TP63: variants seen among roughly 807,000 people sequenced by gnomAD.
The protein encoded by TP63 is tumor protein p63.
TP63 carries 17 observed loss-of-function variants against 82.8 expected under a neutral mutation model. The observed-to-expected ratio is 0.21, with a 90% CI of 0.14 to 0.31. The LOEUF is 0.31. Ranked by LOEUF, TP63 falls within the 10% of genes least tolerant of loss-of-function variation. The pLI, the probability that TP63 is intolerant of heterozygous loss-of-function variation, is 1.00. For synonymous variants in TP63, 330 were observed against 321.7 expected (o/e 1.03, Z -0.28); for missense variants, 648 against 895.3 (o/e 0.72, Z 3.52).
intron 3 of TP63, among the ~76,000 whole-genome samples, chr3:189,745,722 A>AC (rs893748398): frequency 1.3e-5 from 2 of 150,116 alleles, no homozygotes; most frequent in African/African-American, 4.9e-5. Flanking sequence ...AAAAAAAAAA[A>AC]AAAAAAAAAG....
intron 12 of TP63, among the ~76,000 whole-genome samples, chr3:189,890,164 AT>A (rs1467527302): frequency 1.3e-5 from 2 of 152,118 alleles, no homozygotes; most frequent in Non-Finnish European, 2.9e-5. Context: ...TACTGGAACG[AT>A]TTGTGTTGAT....
At chr3:189,838,635 C>T (rs113884890) in intron 4 of TP63, among the ~76,000 whole-genome samples, 144 of 152,168 alleles carry the variant, frequency 9.5e-4, no homozygotes, top group Non-Finnish European at 1.7e-3. Context: ...GTGGCCCACA[C>T]GGTACCTAAT....
At chr3:189,710,296 A>G (rs1271627627) in intron 1 of TP63, among the ~76,000 whole-genome samples, 2 of 152,172 alleles carry the variant, frequency 1.3e-5, no homozygotes, top group Admixed American at 1.3e-4. Flanking sequence ...GAGGCAAAAT[A>G]ACTTGCCTGA....
At chr3:189,643,398 G>C (rs1577164439) in intron 1 of TP63, among the ~76,000 whole-genome samples, 1 of 151,608 alleles carries the variant, frequency 6.6e-6, no homozygotes, top group Non-Finnish European at 1.5e-5. Context: ...AAAACTTAGA[G>C]TTGCCCAGTT....
At position 189,789,912 on chromosome 3, in the gene TP63, C is replaced by G. The variant is rs552604115; in HGVS notation, c.325-18360C>G. The G allele has an allele frequency of 1.3e-5, 18 of 1,427,000 alleles. No homozygotes were observed. In the African/African-American group the frequency reaches 1.6e-4, roughly 13 times the overall value. The allele number at this position is 1,427,000 out of a possible 1,614,324, so 88.4% of individuals were successfully genotyped here. ...ATTTTTATTTTTGTAAAAAAACTTA[C>G]GTATTTGCGGTTCTCGGTCACCCAA... On this transcript the variant is annotated intron_variant, in intron 3 of 13. Transcript: ENST00000264731.
At chr3:189,707,588 G>A (rs1341396830) in intron 1 of TP63, among the ~76,000 whole-genome samples, 2 of 152,122 alleles carry the variant, frequency 1.3e-5, no homozygotes, top group Non-Finnish European at 1.5e-5. Flanking sequence ...TCAAATTTTT[G>A]CTCTTTTACA....
chr3:189,623,915 T>C, the TP63 span, among the ~76,000 whole-genome samples: 1 of 152,176 alleles, frequency 6.6e-6, no homozygotes, highest in Non-Finnish European at 1.5e-5. Context: ...GTCAAAGCTA[T>C]TATTGTGGGT....
intron 1 of TP63, among the ~76,000 whole-genome samples, chr3:189,656,944 G>GAGTA (rs139017634): frequency 2.0e-4 from 30 of 150,904 alleles, no homozygotes; most frequent in Non-Finnish European, 2.1e-4. Flanking sequence ...ACAAGTGAGT[G>GAGTA]AATAAACTGC....
the TP63 span, among the ~76,000 whole-genome samples, chr3:189,601,768 G>T: frequency 2.6e-4 from 39 of 152,084 alleles, no homozygotes; most frequent in African/African-American, 8.7e-4. Context: ...TCTACTGAAT[G>T]TTAAATTATT....
In TP63 at chr3:189,896,899, T is replaced by TGAAGAATTG. The variant is rs1721515796; in HGVS notation, c.*2398_*2406dup. ...GTGGCCTCAGCTCAATGCAGTTAGCTGAAGAATTGAAAAGTTTTTGTTTGG... is the reference window on the plus strand; with the variant it reads ...GTGGCCTCAGCTCAATGCAGTTAGCTGAAGAATTGGAAGAATTGAAAAGTTTTTGTTTGG... On this transcript the variant is annotated 3_prime_UTR_variant, in exon 14 of 14. Coordinates refer to ENST00000264731, the MANE Select transcript of TP63 (RefSeq NM_003722.5). The TGAAGAATTG allele has an allele frequency of 4.5e-6, 1 of 221,804 alleles. No homozygotes were observed. Among genetic ancestry groups the TGAAGAATTG allele is most frequent in the East Asian group, 6.7e-5 (1 of 15,018 alleles). 13.7% of individuals were successfully genotyped at this position (221,804 alleles called of 1,614,324 possible).
intron 3 of TP63, among the ~76,000 whole-genome samples, chr3:189,770,161 T>A (rs1576915166): frequency 6.6e-6 from 1 of 152,364 alleles, no homozygotes; most frequent in East Asian, 1.9e-4. Context: ...ATCTTCTAAA[T>A]GCTGCATATT....
At chr3:189,642,978 A>AATTAATTTATTT (rs1204363196) in intron 1 of TP63, among the ~76,000 whole-genome samples, 13 of 137,704 alleles carry the variant, frequency 9.4e-5, no homozygotes, top group Non-Finnish European at 1.7e-4. Context: ...CAGACAGCCA[A>AATTAATTTATTT]ATTTATTTAT....
chr3:189,789,194 A>G (rs1724874415), intron 3 of TP63, among the ~76,000 whole-genome samples: 1 of 152,070 alleles, frequency 6.6e-6, no homozygotes, highest in South Asian at 2.1e-4. Flanking sequence ...GGTTAAATGT[A>G]ACAGTGGATT....
chr3:189,796,720 C>T (rs1019180465), intron 3 of TP63, among the ~76,000 whole-genome samples: 1 of 152,024 alleles, frequency 6.6e-6, no homozygotes, highest in African/African-American at 2.4e-5. Flanking sequence ...AAAAGTCTTA[C>T]TTTATACTTC....
chr3:189,884,941 A>T (rs1176686042), intron 10 of TP63, among the ~76,000 whole-genome samples: 1 of 152,200 alleles, frequency 6.6e-6, no homozygotes, highest in Admixed American at 6.5e-5. Flanking sequence ...CGATTGCAGC[A>T]CCTAAGTGCT....
chr3:189,798,835 G>A (rs1198708290), intron 3 of TP63, among the ~76,000 whole-genome samples: 1 of 152,056 alleles, frequency 6.6e-6, no homozygotes, highest in African/African-American at 2.4e-5. Flanking sequence ...TCAAAAGTAA[G>A]GCATGTCTTC....
At chr3:189,658,539 C>T (rs1577190307) in intron 1 of TP63, among the ~76,000 whole-genome samples, 3 of 152,052 alleles carry the variant, frequency 2.0e-5, no homozygotes, top group Middle Eastern at 3.4e-3. Flanking sequence ...GTAGCCTTAA[C>T]AAGATGTAGT....
At chr3:189,820,447 A>T (rs1728685584) in intron 4 of TP63, among the ~76,000 whole-genome samples, 1 of 152,210 alleles carries the variant, frequency 6.6e-6, no homozygotes, top group African/African-American at 2.4e-5. Context: ...TAGGTATAAG[A>T]ATGCCTCTGG....
chr3:189,881,608 A>C lies in TP63; in HGVS notation c.1350-4786A>C, dbSNP rs1178696607. 3.8e-6 allele frequency: 3 copies of C among 795,598 alleles called. No homozygotes were observed. In the East Asian group the frequency reaches 3.8e-4, roughly 101 times the overall value. The allele number at this position is 795,598 out of a possible 1,614,324, so 49.3% of individuals were successfully genotyped here. Reference sequence around the variant, plus strand: ...GTAGGTCTAAGGAACAAGAATAATAATAGAATCATCACTTTGTTCCTACGT... The same window carrying C: ...GTAGGTCTAAGGAACAAGAATAATACTAGAATCATCACTTTGTTCCTACGT... On this transcript the variant is annotated intron_variant, in intron 10 of 13. Transcript: ENST00000264731.
Sources: gnomAD v4.1 joint callset for allele counts (sites outside exome capture counted in the v4.1 genomes callset) on GRCh38, gnomAD v4.1.1 for gene constraint, MANE v1.5 for transcripts, NCBI Gene and HGNC (gene_info 2026-07-23, HGNC 2026-07-21) for gene names.